MNAT1: variants seen among roughly 807,000 people sequenced by gnomAD.
The protein encoded by MNAT1 is CDK-activating kinase assembly factor MAT1.
MNAT1 carries 43 observed loss-of-function variants against 42.0 expected under a neutral mutation model. That is an observed-to-expected ratio of 1.02 (90% confidence interval 0.80 to 1.32). MNAT1 has a LOEUF of 1.32. Ranked by LOEUF, MNAT1 falls within the 40% of genes most tolerant of loss-of-function variation. MNAT1 has a pLI of 0.00. For missense variants in MNAT1, 306 were observed against 350.4 expected (o/e 0.87, Z 1.01); for synonymous variants, 118 against 120.0 (o/e 0.98, Z 0.11).
At chr14:60,883,868 G>T (rs116281718) in intron 7 of MNAT1, among the ~76,000 whole-genome samples, 1,965 of 152,048 alleles carry the variant, frequency 0.013, 41 homozygotes, top group African/African-American at 0.045. Flanking sequence ...TTTTTAGATT[G>T]TTCACTCTTG....
intron 7 of MNAT1, among the ~76,000 whole-genome samples, chr14:60,913,704 G>T (rs1417685355): frequency 6.6e-6 from 1 of 152,156 alleles, no homozygotes; most frequent in East Asian, 1.9e-4. Flanking sequence ...TCTCAGAGGA[G>T]TACCCAGCCG....
At chr14:60,772,778 G>T (rs905522909) in intron 1 of MNAT1, among the ~76,000 whole-genome samples, 1 of 151,910 alleles carries the variant, frequency 6.6e-6, no homozygotes, top group Admixed American at 6.6e-5. Flanking sequence ...TGATTGTGTT[G>T]TAGTGAAAGA....
At chr14:60,899,122 G>T (rs1215689643) in intron 7 of MNAT1, among the ~76,000 whole-genome samples, 1 of 152,080 alleles carries the variant, frequency 6.6e-6, no homozygotes, top group African/African-American at 2.4e-5. Context: ...CTTGTAGAAT[G>T]AAATTTTTAT....
At chr14:60,843,185 G>T (rs1006509025) in intron 6 of MNAT1, among the ~76,000 whole-genome samples, 1 of 152,128 alleles carries the variant, frequency 6.6e-6, no homozygotes, top group African/African-American at 2.4e-5. Context: ...AGTTATTTTG[G>T]TGATGATTGA....
At chr14:60,947,533 A>G (rs1258645874) in intron 7 of MNAT1, among the ~76,000 whole-genome samples, 1 of 152,158 alleles carries the variant, frequency 6.6e-6, no homozygotes, top group South Asian at 2.1e-4. Context: ...AAACACAAAA[A>G]TTAGCCAGGC....
intron 1 of MNAT1, among the ~76,000 whole-genome samples, chr14:60,735,714 G>A (rs931242748): frequency 1.3e-5 from 2 of 152,224 alleles, no homozygotes; most frequent in African/African-American, 4.8e-5. Flanking sequence ...CCATTTTCAG[G>A]GGAAGGGGGC....
chr14:60,821,666 T>C (rs984763579), intron 6 of MNAT1, among the ~76,000 whole-genome samples: 36 of 152,276 alleles, frequency 2.4e-4, no homozygotes, highest in African/African-American at 8.4e-4. Context: ...TTCTGATGCT[T>C]CCCCTAACAT....
chr14:60,798,043 G>A (rs765643252), intron 2 of MNAT1, 44 bp from the exon 3 acceptor site: 4 of 917,800 alleles, frequency 4.4e-6, no homozygotes, highest in Admixed American at 2.1e-5. Flanking sequence ...AATATTAAAA[G>A]CAATGATATG....
At chr14:60,777,837 T>C (rs115505178) in intron 1 of MNAT1, among the ~76,000 whole-genome samples, 1 of 152,170 alleles carries the variant, frequency 6.6e-6, no homozygotes, top group Non-Finnish European at 1.5e-5. Flanking sequence ...AAGCATCTTC[T>C]AGTGGAAAGA....
At chr14:60,953,277 G>T (rs968143552) in intron 7 of MNAT1, among the ~76,000 whole-genome samples, 16 of 152,190 alleles carry the variant, frequency 1.1e-4, no homozygotes, top group South Asian at 4.1e-4. Context: ...CTGTTAGCGT[G>T]TAGGTATTGG....
intron 1 of MNAT1, among the ~76,000 whole-genome samples, chr14:60,758,765 G>C (rs1481282340): frequency 6.6e-6 from 1 of 152,132 alleles, no homozygotes; most frequent in Non-Finnish European, 1.5e-5. Flanking sequence ...TGTACCCCTA[G>C]TTTGTCTGGA....
At chr14:60,751,543 TA>T (rs1380856990) in intron 1 of MNAT1, among the ~76,000 whole-genome samples, 1 of 152,024 alleles carries the variant, frequency 6.6e-6, no homozygotes, top group Non-Finnish European at 1.5e-5. Context: ...CTAGGAAGCC[TA>T]AATGAATTGT....
intron 1 of MNAT1, among the ~76,000 whole-genome samples, chr14:60,785,407 A>G (rs1429637061): frequency 1.3e-5 from 2 of 152,188 alleles, no homozygotes; most frequent in African/African-American, 2.4e-5. Context: ...TTATTAATTG[A>G]TTTTCCCTAG....
At chr14:60,778,744 C>T (rs1202757517) in intron 1 of MNAT1, among the ~76,000 whole-genome samples, 1 of 152,114 alleles carries the variant, frequency 6.6e-6, no homozygotes, top group East Asian at 1.9e-4. Context: ...GTAATGGGCT[C>T]ATAAAGGTAC....
chr14:60,941,150 C>A (rs2036150783), intron 7 of MNAT1, among the ~76,000 whole-genome samples: 1 of 152,066 alleles, frequency 6.6e-6, no homozygotes, highest in Admixed American at 6.5e-5. Flanking sequence ...AAATAATAAA[C>A]AATGGTGAAT....
chr14:60,889,690 A>G (rs1399101218), intron 7 of MNAT1, among the ~76,000 whole-genome samples: 4 of 152,176 alleles, frequency 2.6e-5, no homozygotes, highest in South Asian at 2.1e-4. Context: ...GAAAATTTTC[A>G]CAACCTACTC....
At chr14:60,930,173 G>A (rs921276891) in intron 7 of MNAT1, among the ~76,000 whole-genome samples, 19 of 149,578 alleles carry the variant, frequency 1.3e-4, no homozygotes, top group African/African-American at 4.4e-4. Context: ...ATCCTCCTTC[G>A]AGATCTTTAT....
chr14:60,945,438 A>G (rs1392543551), intron 7 of MNAT1, among the ~76,000 whole-genome samples: 1 of 152,190 alleles, frequency 6.6e-6, no homozygotes, highest in Non-Finnish European at 1.5e-5. Flanking sequence ...TTGAATACCA[A>G]ATAGATTCCT....
intron 7 of MNAT1, among the ~76,000 whole-genome samples, chr14:60,945,725 T>C (rs1451683786): frequency 1.3e-5 from 2 of 152,216 alleles, no homozygotes; most frequent in Non-Finnish European, 2.9e-5. Context: ...TGAATTATTG[T>C]TAAATTAGTT....
Sources: allele counts gnomAD v4.1 joint callset (sites outside exome capture counted in the v4.1 genomes callset), GRCh38; gene constraint gnomAD v4.1.1; transcripts MANE v1.5; gene names NCBI Gene and HGNC (gene_info 2026-07-23, HGNC 2026-07-21).